Variants in SCML1 observed in about 807,000 individuals in gnomAD.
The protein encoded by SCML1 is sex comb on midleg-like protein 1.
For synonymous variants in SCML1, 104 were observed against 103.6 expected (o/e 1.00, Z -0.02); for missense variants, 137 against 258.1 (o/e 0.53, Z 3.22).
intron 1 of SCML1, among the ~76,000 whole-genome samples, chrX:17,739,333 G>T (rs1193286900): frequency 8.9e-6 from 1 of 111,847 alleles, no homozygotes; most frequent in Non-Finnish European, 1.9e-5. Context: ...TATTTATCTT[G>T]TGGGAAGAAG....
At chrX:17,743,064 AT>A (rs2066611350) in intron 1 of SCML1, among the ~76,000 whole-genome samples, 1 of 112,263 alleles carries the variant, frequency 8.9e-6, no homozygotes, top group Non-Finnish European at 1.9e-5. Flanking sequence ...GATAGCCTGT[AT>A]AAGTTTTATG....
Position 17,745,496 on chromosome X carries a change from C to G in SCML1, c.74C>G (p.Thr25Ser). 8.5e-7 allele frequency: 1 copy of G among 1,178,241 alleles called. No homozygotes were observed. Among genetic ancestry groups the G allele is most frequent in the Non-Finnish European group, 1.1e-6 (1 of 870,624 alleles). Reference sequence around the variant, plus strand: ...CCTACTTACGATGAAGATGACAACACTATTCTTTATGCGTATGAAACAAAA... The same window carrying G: ...CCTACTTACGATGAAGATGACAACAGTATTCTTTATGCGTATGAAACAAAA... ...RIPTYDEDDN[T>S]ILYAYETKPE... Residue 25 changes from threonine (T) to serine (S), a missense_variant, in exon 3 of 8, where the codon ACT (threonine) becomes AGT (serine). By Grantham distance (58) the Thr-to-Ser change is moderately conservative. Coordinates refer to ENST00000380041, the MANE Select transcript of SCML1 (RefSeq NM_001037540.3).
chrX:17,748,511 C>T (rs767516508), intron 4 of SCML1, among the ~76,000 whole-genome samples: 1 of 110,212 alleles, frequency 9.1e-6, no homozygotes, highest in East Asian at 2.8e-4. Flanking sequence ...CGGCCAGGAG[C>T]TTTTTTTTTC....
At chrX:17,750,706 T>C (rs1048185788) in intron 6 of SCML1, among the ~76,000 whole-genome samples, 4 of 112,180 alleles carry the variant, frequency 3.6e-5, no homozygotes, top group Admixed American at 2.8e-4. Context: ...CCCATTGTGC[T>C]TTTCCAAATC....
chrX:17,747,872 G>C (rs1601876881), intron 4 of SCML1, among the ~76,000 whole-genome samples: 1 of 112,061 alleles, frequency 8.9e-6, no homozygotes, highest in East Asian at 2.8e-4. Flanking sequence ...AGCACAGAGA[G>C]GTTAAGTAAC....
At chrX:17,748,904 G>A (rs1161757965) in intron 4 of SCML1, among the ~76,000 whole-genome samples, 3 of 112,499 alleles carry the variant, frequency 2.7e-5, no homozygotes, top group Non-Finnish European at 1.9e-5. Context: ...AAAATACTTT[G>A]AAGCCAAAAG....
chrX:17,742,813 G>A (rs1049207914), intron 1 of SCML1, among the ~76,000 whole-genome samples: 7 of 112,165 alleles, frequency 6.2e-5, no homozygotes, highest in African/African-American at 1.6e-4. Flanking sequence ...CTAAGAAGTC[G>A]TTACAGTAAC....
intron 4 of SCML1, 128 bp downstream of exon 4, chrX:17,746,226 C>T (rs1396541833): frequency 5.5e-6 from 2 of 363,071 alleles, no homozygotes; most frequent in Non-Finnish European, 9.7e-6. Flanking sequence ...GATTATCATC[C>T]CATTGTGATG....
intron 1 of SCML1, among the ~76,000 whole-genome samples, chrX:17,741,810 C>T (rs1318279852): frequency 2.7e-5 from 3 of 111,325 alleles, no homozygotes; most frequent in Non-Finnish European, 5.6e-5. Flanking sequence ...TATATTCCCT[C>T]CCTTGGACAC....
intron 1 of SCML1, among the ~76,000 whole-genome samples, chrX:17,742,397 C>G (rs2066604101): frequency 8.9e-6 from 1 of 111,838 alleles, no homozygotes; most frequent in South Asian, 3.7e-4. Context: ...ATCAGCTGGA[C>G]CCCTCACCCC....
chrX:17,738,396 A>G (rs930057206), intron 1 of SCML1, among the ~76,000 whole-genome samples: 8 of 111,915 alleles, frequency 7.1e-5, no homozygotes, highest in Non-Finnish European at 1.3e-4. Context: ...CTTCAGGTTG[A>G]CTAAAAGATA....
intron 4 of SCML1, among the ~76,000 whole-genome samples, chrX:17,747,023 T>A (rs2066648738): frequency 8.9e-6 from 1 of 112,141 alleles, no homozygotes; most frequent in Non-Finnish European, 1.9e-5. Context: ...CAGTTCCCTC[T>A]TGAGTCTGTC....
chrX:17,752,968 T>C (rs1459063370), intron 7 of SCML1, among the ~76,000 whole-genome samples: 2 of 110,837 alleles, frequency 1.8e-5, no homozygotes, highest in Non-Finnish European at 3.8e-5. Flanking sequence ...AGTATTTTAT[T>C]CAACATACAG....
intron 4 of SCML1, among the ~76,000 whole-genome samples, chrX:17,747,522 G>T (rs2066653995): frequency 8.9e-6 from 1 of 111,847 alleles, no homozygotes; most frequent in African/African-American, 3.3e-5. Context: ...TTATGAACCT[G>T]CTGTTCCTTC....
chrX:17,752,186 T>TTTA (rs1200916599), intron 7 of SCML1, among the ~76,000 whole-genome samples: 1 of 111,901 alleles, frequency 8.9e-6, no homozygotes, highest in Non-Finnish European at 1.9e-5. Context: ...CTGCCTCAGC[T>TTTA]TCTTAAGACA....
chrX:17,738,527 C>T (rs956445053), intron 1 of SCML1, among the ~76,000 whole-genome samples: 7 of 111,940 alleles, frequency 6.3e-5, no homozygotes, highest in Non-Finnish European at 1.1e-4. Context: ...GCGGTTCTGG[C>T]GGCAAAGGAA....
chrX:17,744,179 G>A lies in SCML1; in HGVS notation c.-8G>A. ...CAGAGGAAGTGGAGTTTCTCCTGTTGCACAAAAATGATGTCTAACAGCTCC... is the reference window on the plus strand; with the variant it reads ...CAGAGGAAGTGGAGTTTCTCCTGTTACACAAAAATGATGTCTAACAGCTCC... On this transcript the variant is annotated 5_prime_UTR_variant, in exon 2 of 8. Transcript: ENST00000380041. 1.7e-6 allele frequency: 2 copies of A among 1,199,360 alleles called. No individual in the cohort carries two copies. Among genetic ancestry groups the A allele is most frequent in the Non-Finnish European group, 2.3e-6 (2 of 885,247 alleles).
At chrX:17,739,045 G>A (rs1170850656) in intron 1 of SCML1, among the ~76,000 whole-genome samples, 2 of 112,154 alleles carry the variant, frequency 1.8e-5, no homozygotes, top group African/African-American at 6.5e-5. Flanking sequence ...CATTTTTATG[G>A]GATTTGAGAT....
intron 4 of SCML1, among the ~76,000 whole-genome samples, chrX:17,748,978 T>C (rs1196064136): frequency 2.7e-5 from 3 of 112,896 alleles, no homozygotes; most frequent in African/African-American, 9.7e-5. Context: ...CTGTATATAA[T>C]ATAGACTTCA....
Sources: allele counts gnomAD v4.1 joint callset (sites outside exome capture counted in the v4.1 genomes callset), GRCh38; gene constraint gnomAD v4.1.1; transcripts MANE v1.5; gene names NCBI Gene and HGNC (gene_info 2026-07-23, HGNC 2026-07-21).